The following DAOA variants were observed in gnomAD, a reference collection of about 807,000 sequenced individuals.
The protein encoded by DAOA is D-amino acid oxidase activator, also known as D-amino acid oxidase regulator.
Under a neutral mutation model 16.4 loss-of-function variants are expected in DAOA, and 15 were observed. The ratio of observed to expected loss-of-function variants is 0.91; its 90% confidence interval spans 0.61 to 1.41. The LOEUF is 1.41. Among genes scored for constraint, DAOA ranks in the 40% most tolerant of loss-of-function variants. The pLI, the probability that DAOA is intolerant of heterozygous loss-of-function variation, is 0.00. For missense variants in DAOA, 230 were observed against 176.8 expected (o/e 1.30, Z -1.71); for synonymous variants, 75 against 59.1 (o/e 1.27, Z -1.23).
At chr13:105,479,878 A>T (rs995383415) in intron 4 of DAOA, among the ~76,000 whole-genome samples, 3 of 152,210 alleles carry the variant, frequency 2.0e-5, no homozygotes, top group Non-Finnish European at 2.9e-5. Context: ...GCATAGGACA[A>T]ATCAGAGTCT....
In DAOA at chr13:105,467,125, C is replaced by T. The variant is rs746281648; in HGVS notation, c.117C>T (p.Asn39=). 1.3e-5 allele frequency: 21 copies of T among 1,608,984 alleles called. No individual in the cohort carries two copies. In the South Asian group the frequency reaches 2.2e-4, roughly 17 times the overall value. The change falls in exon 3 of 6, where the codon AAC becomes AAT. Residue 39 remains asparagine, a synonymous_variant. Transcript: ENST00000375936. ...GCATTCTTCTGAGCAAATCTGAAAA[C>T]TCTCTAAACTCTATTGGTATGTTAC... ...QRSILLSKSE[N]SLNSIAKETE...
intron 4 of DAOA, among the ~76,000 whole-genome samples, chr13:105,486,604 A>G (rs951228608): frequency 3.4e-5 from 5 of 145,602 alleles, no homozygotes; most frequent in African/African-American, 7.5e-5. Context: ...AGTATCGACT[A>G]TTTTCTTTCT....
At chr13:105,471,224 G>T (rs1594105792) in intron 3 of DAOA, among the ~76,000 whole-genome samples, 2 of 152,114 alleles carry the variant, frequency 1.3e-5, no homozygotes, top group East Asian at 3.9e-4. Flanking sequence ...CACCACACCT[G>T]GCCATTCAAT....
chr13:105,467,522 A>C (rs1876606588), intron 3 of DAOA: 1 of 158,318 alleles, frequency 6.3e-6, no homozygotes, highest in South Asian at 1.9e-4. Context: ...TATAGGCGCA[A>C]ACCCAAGCTA....
chr13:105,472,621 G>A lies in DAOA; in HGVS notation c.217G>A (p.Ala73Thr), dbSNP rs1877044199. 6.2e-7 allele frequency: 1 copy of A among 1,614,042 alleles called. No individual in the cohort carries two copies. Among genetic ancestry groups the A allele is most frequent in the South Asian group, 1.1e-5 (1 of 91,080 alleles). The change falls in exon 4 of 6, where the codon GCA becomes ACA. Residue 73 changes from alanine to threonine, a missense_variant. By Grantham distance (58) the Ala-to-Thr change is moderately conservative (BLOSUM62 0). Coordinates refer to ENST00000375936, the MANE Select transcript of DAOA (RefSeq NM_172370.5). The stretch of plus-strand genomic sequence containing the variant: ...GCATGAGGACGGCTATTTGGAAATG[G>A]CACAGAGGCATTTACAGAGATCATT... ...RRHEDGYLEM[A>T]QRHLQRSLCP...
intron 4 of DAOA, among the ~76,000 whole-genome samples, chr13:105,480,657 G>A (rs1034177950): frequency 1.3e-4 from 20 of 152,180 alleles, no homozygotes; most frequent in African/African-American, 4.8e-4. Flanking sequence ...CTGGCATGGA[G>A]TAGTGTGGCC....
chr13:105,472,273 C>T (rs894964592), intron 3 of DAOA, among the ~76,000 whole-genome samples: 46 of 152,156 alleles, frequency 3.0e-4, no homozygotes, highest in Admixed American at 2.4e-3. Flanking sequence ...TTTTGTTTTA[C>T]TGTAACTAAA....
chr13:105,472,729 A>G lies in DAOA; in HGVS notation c.281+44A>G, dbSNP rs1424301458. On this transcript the variant is annotated intron_variant, in intron 4 of 5. Transcript: ENST00000375936. Reference sequence around the variant, plus strand: ...TTAAACTTTTAACCAGGAGAAAGCTAAATGCTAATGTTGGAACTTACGAAA... The same window carrying G: ...TTAAACTTTTAACCAGGAGAAAGCTGAATGCTAATGTTGGAACTTACGAAA... 2.2e-5 allele frequency: 34 copies of G among 1,560,606 alleles called. No homozygotes were observed. The Admixed American group carries it at 6.0e-4, about 28-fold the overall frequency.
At chr13:105,474,165 T>C (rs909776011) in intron 4 of DAOA, among the ~76,000 whole-genome samples, 1 of 152,144 alleles carries the variant, frequency 6.6e-6, no homozygotes, top group Non-Finnish European at 1.5e-5. Context: ...AAATTATTTA[T>C]TTATACTGAA....
At chr13:105,490,486 A>G (rs1878441548) in intron 5 of DAOA, 2 of 152,440 alleles carry the variant, frequency 1.3e-5, no homozygotes, top group African/African-American at 4.8e-5. Flanking sequence ...ATATTAATTT[A>G]TCCAAATAGT....
chr13:105,489,825 AGGTGATGACACTTGACTCC>A, intron 4 of DAOA, 57 bp from the exon 5 acceptor site: 1 of 1,613,236 alleles, frequency 6.2e-7, no homozygotes, highest in South Asian at 1.1e-5. Context: ...AACATGGGAA[AGGTGATGACACTTGACTCC>A]GGTGATGAGG....
chr13:105,485,048 T>C (rs1878016753), intron 4 of DAOA, among the ~76,000 whole-genome samples: 1 of 152,202 alleles, frequency 6.6e-6, no homozygotes, highest in African/African-American at 2.4e-5. Flanking sequence ...TTTTTGTTCA[T>C]ATTAGTCTGA....
intron 4 of DAOA, among the ~76,000 whole-genome samples, chr13:105,475,992 A>ACCCACATT (rs1877304713): frequency 6.6e-6 from 1 of 152,152 alleles, no homozygotes; most frequent in African/African-American, 2.4e-5. Context: ...ATATATATAT[A>ACCCACATT]CCCACATTTT....
chr13:105,471,382 T>G (rs1876945982), intron 3 of DAOA, among the ~76,000 whole-genome samples: 1 of 152,132 alleles, frequency 6.6e-6, no homozygotes, highest in Admixed American at 6.6e-5. Flanking sequence ...TAAGAACCAG[T>G]TCCAGGACAA....
intron 3 of DAOA, among the ~76,000 whole-genome samples, chr13:105,469,025 G>A (rs1876739373): frequency 1.3e-5 from 2 of 152,178 alleles, no homozygotes; most frequent in Non-Finnish European, 2.9e-5. Context: ...TTAAAAATTA[G>A]TGTAAAATTA....
chr13:105,490,625 G>T (rs1878452553), intron 5 of DAOA: 1 of 151,914 alleles, frequency 6.6e-6, no homozygotes, highest in African/African-American at 2.4e-5. Context: ...TATAGTTTTA[G>T]GGAGAATACT....
intron 1 of DAOA, 46 bp downstream of exon 1, chr13:105,466,106 G>A: frequency 1.2e-6 from 1 of 829,620 alleles, no homozygotes; most frequent in Non-Finnish European, 1.8e-6. Context: ...AAGTTTATCA[G>A]CTCCTGCATG....
intron 4 of DAOA, chr13:105,477,219 T>G (rs1055354983): frequency 6.6e-6 from 1 of 152,122 alleles, no homozygotes; most frequent in African/African-American, 2.4e-5. Context: ...AGGTCAGTCT[T>G]GGTGCTTGTT....
At chr13:105,489,737 T>G (rs550474965) in intron 4 of DAOA, 164 bp from the exon 5 acceptor site, 3 of 1,489,398 alleles carry the variant, frequency 2.0e-6, no homozygotes, top group Admixed American at 4.7e-5. Flanking sequence ...CCACATAATC[T>G]TGACTTCTTG....
Sources: gnomAD v4.1 joint callset for allele counts (sites outside exome capture counted in the v4.1 genomes callset) on GRCh38, gnomAD v4.1.1 for gene constraint, MANE v1.5 for transcripts, NCBI Gene and HGNC (gene_info 2026-07-23, HGNC 2026-07-21) for gene names.